Variants in XYLT1 observed in about 807,000 individuals in gnomAD.
XYLT1 encodes xylosyltransferase 1, also known as beta-D-xylosyltransferase 1.
A neutral mutation model predicts 91.3 loss-of-function variants in XYLT1; 36 were observed. The observed-to-expected ratio is 0.39, with a 90% CI of 0.30 to 0.52. XYLT1 has a LOEUF of 0.52. XYLT1 is among the 20% of genes least tolerant of loss of function. The probability of loss-of-function intolerance (pLI) is 0.68; values close to 1 mark genes in which losing one functional copy is unlikely to be tolerated. For synonymous variants in XYLT1, 588 were observed against 532.0 expected (o/e 1.11, Z -1.45); for missense variants, 1,242 against 1,284.5 (o/e 0.97, Z 0.51).
At chr16:17,160,966 C>T (rs964571855) in intron 5 of XYLT1, among the ~76,000 whole-genome samples, 2 of 152,196 alleles carry the variant, frequency 1.3e-5, no homozygotes, top group African/African-American at 4.8e-5. Flanking sequence ...TTATTGTTGT[C>T]CTGATGAATA....
chr16:17,137,852 A>C (rs13335655), intron 8 of XYLT1, among the ~76,000 whole-genome samples: 5,037 of 152,304 alleles, frequency 0.033, 278 homozygotes, highest in African/African-American at 0.11. Flanking sequence ...GGGTTTCTCA[A>C]CCAGAGGTGC....
chr16:17,323,249 G>T (rs897324118), intron 2 of XYLT1, among the ~76,000 whole-genome samples: 1 of 152,254 alleles, frequency 6.6e-6, no homozygotes, highest in Non-Finnish European at 1.5e-5. Flanking sequence ...GGGGCAGTAC[G>T]TAGAGGACAG....
chr16:17,461,969 C>G (rs1311714182), intron 1 of XYLT1, among the ~76,000 whole-genome samples: 1 of 152,144 alleles, frequency 6.6e-6, no homozygotes, highest in East Asian at 1.9e-4. Context: ...TTGGTGCATT[C>G]GATAAATGCA....
At chr16:17,180,267 G>A (rs533295072) in intron 5 of XYLT1, among the ~76,000 whole-genome samples, 1 of 152,276 alleles carries the variant, frequency 6.6e-6, no homozygotes, top group African/African-American at 2.4e-5. Flanking sequence ...CCACAACCCA[G>A]CAAAGCAATT....
chr16:17,303,014 T>C (rs2034420469), intron 2 of XYLT1, among the ~76,000 whole-genome samples: 2 of 151,444 alleles, frequency 1.3e-5, no homozygotes, highest in African/African-American at 4.9e-5. Flanking sequence ...GGAAGGGGAG[T>C]ACATGGGAAA....
intron 2 of XYLT1, among the ~76,000 whole-genome samples, chr16:17,314,922 G>A (rs537010605): frequency 5.8e-4 from 88 of 152,230 alleles, no homozygotes; most frequent in Non-Finnish European, 1.0e-3. Context: ...AGGTGATAAA[G>A]TAGAGAGGTG....
At chr16:17,352,971 A>G (rs1174281272) in intron 2 of XYLT1, among the ~76,000 whole-genome samples, 1 of 152,222 alleles carries the variant, frequency 6.6e-6, no homozygotes, top group Non-Finnish European at 1.5e-5. Context: ...CTCAAGTATT[A>G]ACTTCCATTC....
intron 3 of XYLT1, among the ~76,000 whole-genome samples, chr16:17,247,106 G>C (rs561429935): frequency 6.6e-6 from 1 of 151,724 alleles, no homozygotes; most frequent in South Asian, 2.1e-4. Flanking sequence ...GCAGAAAGGA[G>C]AGATAGCTAG....
intron 3 of XYLT1, among the ~76,000 whole-genome samples, chr16:17,245,260 G>T (rs2033418449): frequency 6.6e-6 from 1 of 152,294 alleles, no homozygotes; most frequent in Admixed American, 6.5e-5. Context: ...ATCGTGAGGA[G>T]AATTCTCCTT....
At position 17,213,803 on chromosome 16, in the gene XYLT1, A is replaced by G. The variant is rs141853324; in HGVS notation, c.914-13149T>C. ...CCGGCTAATTTTTTGTATTTTTAGT[A>G]GAGACAGTTTTCACTATGTTGGCCA... On this transcript the variant is annotated intron_variant, in intron 3 of 11. Coordinates refer to ENST00000261381, the MANE Select transcript of XYLT1 (RefSeq NM_022166.4). Among the ~76,000 whole-genome samples, 1,500 of 152,038 alleles carry G rather than the reference A, an allele frequency of 9.9e-3. 20 individuals carry two copies. Among genetic ancestry groups the G allele is most frequent in the African/African-American group, 0.033 (1,370 of 41,472 alleles).
chr16:17,298,856 C>A (rs368249292), intron 2 of XYLT1, among the ~76,000 whole-genome samples: 1 of 152,176 alleles, frequency 6.6e-6, no homozygotes, highest in East Asian at 1.9e-4. Flanking sequence ...AGGACACGCC[C>A]TATGAGAGCC....
At chr16:17,239,659 A>C (rs1481302811) in intron 3 of XYLT1, among the ~76,000 whole-genome samples, 1 of 149,242 alleles carries the variant, frequency 6.7e-6, no homozygotes, top group Non-Finnish European at 1.5e-5. Context: ...CAGCCCATCC[A>C]TCCATGTTCC....
intron 1 of XYLT1, among the ~76,000 whole-genome samples, chr16:17,439,590 G>T (rs1394924368): frequency 6.6e-6 from 1 of 152,162 alleles, no homozygotes; most frequent in Non-Finnish European, 1.5e-5. Context: ...CTAAACAGAA[G>T]ATAATGTGAA....
At chr16:17,298,803 C>A (rs1048236845) in intron 2 of XYLT1, among the ~76,000 whole-genome samples, 1 of 152,072 alleles carries the variant, frequency 6.6e-6, no homozygotes, top group African/African-American at 2.4e-5. Flanking sequence ...GAAAAATATC[C>A]GTCTGGATAT....
intron 1 of XYLT1, among the ~76,000 whole-genome samples, chr16:17,393,260 G>A (rs1446310176): frequency 6.6e-6 from 1 of 152,174 alleles, no homozygotes; most frequent in Admixed American, 6.5e-5. Flanking sequence ...TGGATCTGAA[G>A]GTGATGGTGT....
At chr16:17,324,823 G>T (rs1009720461) in intron 2 of XYLT1, among the ~76,000 whole-genome samples, 2 of 150,508 alleles carry the variant, frequency 1.3e-5, no homozygotes, top group African/African-American at 4.9e-5. Context: ...ATGCATCAAA[G>T]ATTTTATTTC....
chr16:17,171,301 G>A (rs2031814563), intron 5 of XYLT1, among the ~76,000 whole-genome samples: 1 of 152,212 alleles, frequency 6.6e-6, no homozygotes, highest in Admixed American at 6.5e-5. Context: ...GCCCCAAGGT[G>A]AGATTGAGCT....
chr16:17,460,747 G>T (rs1220480319), intron 1 of XYLT1, among the ~76,000 whole-genome samples: 2 of 152,136 alleles, frequency 1.3e-5, no homozygotes, highest in African/African-American at 4.8e-5. Context: ...ACTTTTAAAA[G>T]AATTCCAAAA....
chr16:17,386,735 T>C (rs1356433803), intron 1 of XYLT1, among the ~76,000 whole-genome samples: 1 of 151,932 alleles, frequency 6.6e-6, no homozygotes. Flanking sequence ...GCCCCTATTA[T>C]AAGAGCACTG....
Sources: allele counts gnomAD v4.1 joint callset (sites outside exome capture counted in the v4.1 genomes callset), GRCh38; gene constraint gnomAD v4.1.1; transcripts MANE v1.5; gene names NCBI Gene and HGNC (gene_info 2026-07-23, HGNC 2026-07-21).